GRID2: variants seen among roughly 807,000 people sequenced by gnomAD.
The protein encoded by GRID2 is glutamate receptor ionotropic, delta-2.
GRID2 carries 33 observed loss-of-function variants against 114.8 expected under a neutral mutation model. The ratio of observed to expected loss-of-function variants is 0.29; its 90% CI spans 0.22 to 0.38. The LOEUF (loss-of-function observed/expected upper bound fraction) is 0.38. Ranked by LOEUF, GRID2 falls within the 10% of genes least tolerant of loss-of-function variation. GRID2 has a pLI of 1.00. For missense variants in GRID2, 1,184 were observed against 1,257.7 expected (o/e 0.94, Z 0.89); for synonymous variants, 505 against 449.9 (o/e 1.12, Z -1.55).
chr4:92,581,007 G>T (rs548988842), intron 1 of GRID2, among the ~76,000 whole-genome samples: 2 of 151,028 alleles, frequency 1.3e-5, no homozygotes, highest in South Asian at 2.1e-4. Flanking sequence ...GCAGAATTTT[G>T]TAATAATAGG....
intron 8 of GRID2, among the ~76,000 whole-genome samples, chr4:93,394,939 C>T (rs1460020386): frequency 6.6e-6 from 1 of 151,868 alleles, no homozygotes; most frequent in Non-Finnish European, 1.5e-5. Flanking sequence ...TTTGTACATT[C>T]CAAGAGATAA....
chr4:92,736,401 A>AT, intron 2 of GRID2, among the ~76,000 whole-genome samples: 1 of 152,252 alleles, frequency 6.6e-6, no homozygotes, highest in East Asian at 1.9e-4. Context: ...AGCATAATAA[A>AT]TTTTTATCGT....
intron 14 of GRID2, among the ~76,000 whole-genome samples, chr4:93,654,472 C>G (rs1578487467): frequency 6.6e-6 from 1 of 152,044 alleles, no homozygotes; most frequent in Admixed American, 6.5e-5. Context: ...CAGTCACTTG[C>G]AATATTTCAA....
chr4:93,385,929 T>C (rs139150057), intron 8 of GRID2, among the ~76,000 whole-genome samples: 37 of 152,294 alleles, frequency 2.4e-4, no homozygotes, highest in African/African-American at 8.9e-4. Context: ...CTATGTTGAG[T>C]TAGATATGTA....
At chr4:93,122,889 G>GT (rs1733912110) in intron 4 of GRID2, among the ~76,000 whole-genome samples, 3 of 56,926 alleles carry the variant, frequency 5.3e-5, no homozygotes, top group East Asian at 5.5e-4. Context: ...CACAGATGTG[G>GT]GTTTTTTTTT....
intron 1 of GRID2, among the ~76,000 whole-genome samples, chr4:92,400,375 C>T (rs1422061913): frequency 2.0e-5 from 3 of 152,166 alleles, no homozygotes; most frequent in Non-Finnish European, 4.4e-5. Flanking sequence ...CCTTTTGTCA[C>T]AGCATCTTTC....
At chr4:93,613,943 G>A (rs1252533580) in intron 13 of GRID2, among the ~76,000 whole-genome samples, 3 of 151,714 alleles carry the variant, frequency 2.0e-5, no homozygotes, top group African/African-American at 7.3e-5. Flanking sequence ...ATCTCAGACT[G>A]CTGTGCTAGC....
intron 8 of GRID2, among the ~76,000 whole-genome samples, chr4:93,330,660 G>T (rs1444851013): frequency 6.6e-6 from 1 of 152,050 alleles, no homozygotes. Context: ...GATCACTACT[G>T]TGAATGGGAT....
At chr4:92,432,232 G>A (rs1490372761) in intron 1 of GRID2, among the ~76,000 whole-genome samples, 2 of 152,056 alleles carry the variant, frequency 1.3e-5, no homozygotes. Flanking sequence ...AAGGCCCATG[G>A]CGACCACTGC....
At position 93,043,171 on chromosome 4, in the gene GRID2, T is replaced by G. The variant is rs540668396; in HGVS notation, c.245-41824T>G. ...TTCTTTTATACCTATTGACTGAAAA[T>G]GAATTATGGATTTAGCAATTAAGTG... On this transcript the variant is annotated intron_variant, in intron 2 of 15. Coordinates refer to ENST00000282020, the MANE Select transcript of GRID2 (RefSeq NM_001510.4). 3.9e-5 allele frequency among the ~76,000 whole-genome samples: 6 copies of G among 152,240 alleles called. No individual in the cohort carries two copies. The South Asian group carries it at 1.2e-3, about 32-fold the overall frequency.
At chr4:93,484,306 A>G (rs1031956224) in intron 11 of GRID2, among the ~76,000 whole-genome samples, 2 of 151,868 alleles carry the variant, frequency 1.3e-5, no homozygotes, top group Non-Finnish European at 2.9e-5. Flanking sequence ...GGGATCATCA[A>G]CACTGCCATT....
intron 13 of GRID2, among the ~76,000 whole-genome samples, chr4:93,588,682 C>T (rs566969272): frequency 4.6e-5 from 7 of 152,316 alleles, no homozygotes; most frequent in African/African-American, 1.7e-4. Flanking sequence ...CTCACAATTG[C>T]CTACAGCAGA....
At chr4:92,378,601 C>A (rs1444121316) in intron 1 of GRID2, among the ~76,000 whole-genome samples, 1 of 152,040 alleles carries the variant, frequency 6.6e-6, no homozygotes, top group Non-Finnish European at 1.5e-5. Context: ...CTTGAGCACA[C>A]AACATGCACA....
intron 2 of GRID2, among the ~76,000 whole-genome samples, chr4:92,782,749 A>G (rs1483722019): frequency 1.3e-5 from 2 of 152,014 alleles, no homozygotes; most frequent in African/African-American, 4.8e-5. Context: ...AAAGATAAAG[A>G]TGAGAAAGTT....
chr4:92,611,725 T>C (rs1729753107), intron 2 of GRID2, among the ~76,000 whole-genome samples: 1 of 151,656 alleles, frequency 6.6e-6, no homozygotes, highest in African/African-American at 2.4e-5. Context: ...TATCTGATTA[T>C]TGTTTTACTT....
At chr4:92,912,907 T>A (rs1170436501) in intron 2 of GRID2, among the ~76,000 whole-genome samples, 4 of 151,858 alleles carry the variant, frequency 2.6e-5, no homozygotes, top group African/African-American at 4.8e-5. Flanking sequence ...CATCAATAAA[T>A]ACATTGTATC....
At chr4:93,726,893 G>C (rs992619981) in intron 14 of GRID2, among the ~76,000 whole-genome samples, 1 of 152,148 alleles carries the variant, frequency 6.6e-6, no homozygotes, top group Non-Finnish European at 1.5e-5. Context: ...GGGCTGAGAC[G>C]ATGGGGTTCT....
At chr4:92,947,006 C>G (rs1457263212) in intron 2 of GRID2, among the ~76,000 whole-genome samples, 1 of 152,016 alleles carries the variant, frequency 6.6e-6, no homozygotes, top group Non-Finnish European at 1.5e-5. Context: ...AAAGTCCAAA[C>G]AAGTCAATAG....
chr4:92,711,347 A>C (rs896161741), intron 2 of GRID2, among the ~76,000 whole-genome samples: 1 of 152,114 alleles, frequency 6.6e-6, no homozygotes. Context: ...ATCTCATCTC[A>C]CTGCAGTCCG....
Sources: allele counts gnomAD v4.1 joint callset (sites outside exome capture counted in the v4.1 genomes callset), GRCh38; gene constraint gnomAD v4.1.1; transcripts MANE v1.5; gene names NCBI Gene and HGNC (gene_info 2026-07-23, HGNC 2026-07-21).